The following YAF2 variants were observed in gnomAD, a reference collection of about 807,000 sequenced individuals.
The protein encoded by YAF2 is YY1 associated factor 2, also known as YY1-associated factor 2.
In YAF2, 7 loss-of-function variants were observed where a neutral mutation model predicts 20.1. The ratio of observed to expected loss-of-function variants is 0.35; its 90% CI spans 0.20 to 0.65. The LOEUF (loss-of-function observed/expected upper bound fraction) is 0.65. Ranked by LOEUF, YAF2 falls within the 30% of genes least tolerant of loss-of-function variation. YAF2 has a pLI of 0.69. For missense variants in YAF2, 151 were observed against 219.2 expected (o/e 0.69, Z 1.96); for synonymous variants, 74 against 76.0 (o/e 0.97, Z 0.14).
chr12:42,179,948 T>C (rs549030255), intron 2 of YAF2, among the ~76,000 whole-genome samples: 4 of 152,284 alleles, frequency 2.6e-5, no homozygotes, highest in African/African-American at 9.6e-5. Context: ...ATAAGTCTTT[T>C]CTAGGTATTA....
At chr12:42,199,747 G>A (rs1025827698) in intron 2 of YAF2, among the ~76,000 whole-genome samples, 2 of 152,012 alleles carry the variant, frequency 1.3e-5, no homozygotes, top group African/African-American at 4.8e-5. Context: ...AATACTGACT[G>A]AGAAAACCAA....
At chr12:42,176,621 T>C (rs147124780) in intron 2 of YAF2, among the ~76,000 whole-genome samples, 293 of 152,268 alleles carry the variant, frequency 1.9e-3, no homozygotes, top group Non-Finnish European at 3.5e-3. Flanking sequence ...AAGTCTAAAA[T>C]TGAATGCTTT....
intron 2 of YAF2, chr12:42,231,330 G>A (rs1315504791): frequency 6.6e-6 from 1 of 152,084 alleles, no homozygotes; most frequent in African/African-American, 2.4e-5. Context: ...CTGGTTAGTA[G>A]AAGACACCTG....
At chr12:42,196,707 A>T (rs990179175) in intron 2 of YAF2, among the ~76,000 whole-genome samples, 2 of 152,236 alleles carry the variant, frequency 1.3e-5, no homozygotes, top group African/African-American at 4.8e-5. Context: ...GTGTTGCTAC[A>T]TCTTTCTTTT....
chr12:42,164,557 T>A (rs557701687), intron 2 of YAF2, among the ~76,000 whole-genome samples: 1 of 152,202 alleles, frequency 6.6e-6, no homozygotes, highest in African/African-American at 2.4e-5. Flanking sequence ...AAAAAGAGTA[T>A]TAAAAACAAT....
chr12:42,166,913 AT>A (rs201752166), intron 2 of YAF2, among the ~76,000 whole-genome samples: 30 of 149,800 alleles, frequency 2.0e-4, no homozygotes, highest in East Asian at 3.9e-4. Flanking sequence ...AAAACACTGG[AT>A]TTTTTTTTCA....
intron 2 of YAF2, among the ~76,000 whole-genome samples, chr12:42,226,966 G>T (rs1179408148): frequency 6.7e-6 from 1 of 149,144 alleles, no homozygotes; most frequent in Non-Finnish European, 1.5e-5. Flanking sequence ...CTGCGCTGCG[G>T]CCCGGGGCAG....
chr12:42,230,491 T>C (rs2067954074), intron 2 of YAF2, among the ~76,000 whole-genome samples: 1 of 152,050 alleles, frequency 6.6e-6, no homozygotes, highest in South Asian at 2.1e-4. Flanking sequence ...TTTTTTTAAA[T>C]ATACAGGGAC....
At chr12:42,233,430 G>A (rs896974213) in intron 2 of YAF2, 3 of 981,372 alleles carry the variant, frequency 3.1e-6, no homozygotes, top group Non-Finnish European at 3.6e-6. Context: ...TAAGACACCA[G>A]TCTTAAATTA....
At chr12:42,202,110 C>T (rs186816378) in intron 2 of YAF2, among the ~76,000 whole-genome samples, 2 of 152,088 alleles carry the variant, frequency 1.3e-5, no homozygotes, top group Non-Finnish European at 2.9e-5. Flanking sequence ...AGTTTCCCCC[C>T]CCATCTAGAA....
chr12:42,193,284 CAGCCTGGGCGACAGAGTAAATG>C (rs1565620896), intron 2 of YAF2, among the ~76,000 whole-genome samples: 3 of 148,630 alleles, frequency 2.0e-5, no homozygotes, highest in Non-Finnish European at 3.0e-5. Context: ...TGCTGCACCC[CAGCCTGGGCGACAGAGTAAATG>C]AGACTCCCTC....
intron 2 of YAF2, among the ~76,000 whole-genome samples, chr12:42,207,792 G>GA (rs1189188914): frequency 9.1e-6 from 1 of 110,356 alleles, no homozygotes; most frequent in African/African-American, 3.7e-5. Flanking sequence ...TTGGGAGGCT[G>GA]AGGCAGGAGA....
At chr12:42,161,503 A>G (rs1168141060) in intron 3 of YAF2, 110 bp downstream of exon 3, 8 of 1,256,256 alleles carry the variant, frequency 6.4e-6, no homozygotes, top group Non-Finnish European at 8.4e-6. Flanking sequence ...CCTTATAATA[A>G]AGGAGACCAA....
At chr12:42,193,170 C>G in intron 2 of YAF2, among the ~76,000 whole-genome samples, 1 of 151,916 alleles carries the variant, frequency 6.6e-6, no homozygotes, top group East Asian at 1.9e-4. Flanking sequence ...CAAAAATTAG[C>G]CGGGTGTGGT....
chr12:42,225,221 T>A (rs914363888), intron 2 of YAF2, among the ~76,000 whole-genome samples: 3 of 152,248 alleles, frequency 2.0e-5, no homozygotes, highest in East Asian at 3.8e-4. Context: ...GGTTGTTTTT[T>A]TTCTTGTAAA....
rs576021589 is a variant in YAF2, at chr12:42,234,352, A to C, written c.152+3247T>G. The C allele has an allele frequency of 4.8e-5, 47 of 985,454 alleles. No individual in the cohort carries two copies. In the African/African-American group the frequency reaches 7.8e-4, roughly 16 times the overall value. The allele number at this position is 985,454 out of a possible 1,614,324, so 61.0% of individuals were successfully genotyped here. A position where few individuals can be genotyped will look rare whatever the true frequency, so the allele number is the denominator to read the frequency against. ...TGACATTTACTACTGTTTCTCTCACAAAAGCACAATGTAAAAAATTTTGGA... is the reference window on the plus strand; with the variant it reads ...TGACATTTACTACTGTTTCTCTCACCAAAGCACAATGTAAAAAATTTTGGA... On this transcript the variant is annotated intron_variant, in intron 2 of 3. Coordinates refer to ENST00000534854, the MANE Select transcript of YAF2 (RefSeq NM_005748.6).
At chr12:42,209,082 T>TA (rs1210559114) in intron 2 of YAF2, among the ~76,000 whole-genome samples, 1 of 152,198 alleles carries the variant, frequency 6.6e-6, no homozygotes, top group East Asian at 1.9e-4. Context: ...AGTTATTTGG[T>TA]ACCTGAGGAA....
intron 2 of YAF2, among the ~76,000 whole-genome samples, chr12:42,207,472 A>C (rs201152987): frequency 1.6e-5 from 1 of 64,482 alleles, no homozygotes; most frequent in African/African-American, 4.6e-5. Flanking sequence ...TAAATTATTA[A>C]TAATATTATA....
intron 2 of YAF2, among the ~76,000 whole-genome samples, chr12:42,184,201 G>A (rs2066415026): frequency 6.6e-6 from 1 of 152,182 alleles, no homozygotes; most frequent in Non-Finnish European, 1.5e-5. Context: ...GGTCACCCAA[G>A]AGCTCTAAGG....
Sources: gnomAD v4.1 joint callset for allele counts (sites outside exome capture counted in the v4.1 genomes callset) on GRCh38, gnomAD v4.1.1 for gene constraint, MANE v1.5 for transcripts, NCBI Gene and HGNC (gene_info 2026-07-23, HGNC 2026-07-21) for gene names.